The following VPS50 variants were observed in gnomAD, a reference collection of about 807,000 sequenced individuals.
VPS50 encodes the protein VPS50 subunit of EARP/GARPII complex.
VPS50 carries 70 observed loss-of-function variants against 139.7 expected under a neutral mutation model. That is an observed-to-expected ratio of 0.50 (90% CI 0.41 to 0.61). The LOEUF is 0.61. Among genes scored for constraint, VPS50 ranks in the 20% least tolerant of loss-of-function variants. VPS50 has a pLI of 0.00. For missense variants in VPS50, 921 were observed against 1,133.7 expected, an observed-to-expected ratio of 0.81 and a Z score of 2.69; for synonymous variants, 365 against 376.7, an observed-to-expected ratio of 0.97 and a Z score of 0.36.
chr7:93,338,391 G>A (rs904415899), intron 22 of VPS50, among the ~76,000 whole-genome samples: 2 of 152,166 alleles, frequency 1.3e-5, no homozygotes, highest in African/African-American at 4.8e-5. Context: ...GAGAGAGAAA[G>A]GGTGTAATTT....
Position 93,266,084 on chromosome 7 carries a change from A to C in VPS50, c.660-5136A>C, listed in dbSNP as rs375253492. 8.8e-4 allele frequency among the ~76,000 whole-genome samples: 134 copies of C among 152,368 alleles called. 3 individuals carry two copies. The South Asian group carries it at 0.019, about 21-fold the overall frequency. ...GCTGATAAATTCTCTGCTTCCTGTA[A>C]GTAGATTGAAAACCACTGGAATAGG... On this transcript the variant is annotated intron_variant, in intron 9 of 27. Coordinates refer to ENST00000305866, the MANE Select transcript of VPS50 (RefSeq NM_017667.4).
At chr7:93,327,407 A>C (rs1273012046) in intron 21 of VPS50, among the ~76,000 whole-genome samples, 1 of 152,220 alleles carries the variant, frequency 6.6e-6, no homozygotes, top group Admixed American at 6.5e-5. Flanking sequence ...TTTGGGAACC[A>C]AATGGTTTTG....
intron 3 of VPS50, 92 bp downstream of exon 3, chr7:93,252,867 AT>A: frequency 3.1e-6 from 3 of 978,434 alleles, no homozygotes; most frequent in Non-Finnish European, 4.5e-6. Context: ...GCATTTATGT[AT>A]TTTTGGTACC....
chr7:93,233,525 G>A (rs1794703018), intron 1 of VPS50, among the ~76,000 whole-genome samples: 1 of 152,128 alleles, frequency 6.6e-6, no homozygotes, highest in Admixed American at 6.6e-5. Flanking sequence ...TACAAATTGT[G>A]TATTTCTCTT....
chr7:93,342,379 A>T (rs1032161078), intron 23 of VPS50, among the ~76,000 whole-genome samples: 8 of 152,308 alleles, frequency 5.3e-5, no homozygotes, highest in Admixed American at 2.6e-4. Context: ...ATCAAACTGC[A>T]AGGCGGCAGT....
chr7:93,289,310 ATCTC>A (rs958583647), intron 12 of VPS50, among the ~76,000 whole-genome samples: 10 of 152,032 alleles, frequency 6.6e-5, no homozygotes, highest in Middle Eastern at 3.4e-3. Flanking sequence ...CCATTTTTGT[ATCTC>A]TGTTTATGAA....
chr7:93,355,180 T>C (rs1336596883), intron 26 of VPS50, among the ~76,000 whole-genome samples: 4 of 152,022 alleles, frequency 2.6e-5, no homozygotes, highest in African/African-American at 9.7e-5. Context: ...TCTTGCAACT[T>C]TCCTTAAGGT....
intron 1 of VPS50, among the ~76,000 whole-genome samples, chr7:93,232,993 T>C (rs1043672530): frequency 6.6e-6 from 1 of 152,234 alleles, no homozygotes; most frequent in Non-Finnish European, 1.5e-5. Flanking sequence ...TGAAAATAAT[T>C]ATTTTTGTTC....
rs952941199 is a variant in VPS50 at position 93,269,192 on chromosome 7, G to A, written c.660-2028G>A. Among the ~76,000 whole-genome samples, 4 of 152,106 alleles carry A rather than the reference G, an allele frequency of 2.6e-5. No homozygotes were observed. The East Asian group carries it at 7.7e-4, about 29-fold the overall frequency. ...AAGATACTGCCATAGCTATCCTTTT[G>A]GGGGAATTATTTTGGGGACAATAGT... On this transcript the variant is annotated intron_variant, in intron 9 of 27. Transcript: ENST00000305866.
intron 22 of VPS50, among the ~76,000 whole-genome samples, chr7:93,335,433 A>C (rs1176093594): frequency 6.6e-6 from 1 of 152,198 alleles, no homozygotes; most frequent in African/African-American, 2.4e-5. Flanking sequence ...GTAAATGTTC[A>C]TAGAGTAGGT....
chr7:93,287,033 C>T (rs1796510253), intron 12 of VPS50, among the ~76,000 whole-genome samples: 1 of 147,454 alleles, frequency 6.8e-6, no homozygotes, highest in South Asian at 2.1e-4. Flanking sequence ...CCCCACCTTG[C>T]CTTTTTTCCT....
chr7:93,300,888 A>G (rs905388336), intron 16 of VPS50, among the ~76,000 whole-genome samples: 1 of 152,138 alleles, frequency 6.6e-6, no homozygotes, highest in Non-Finnish European at 1.5e-5. Flanking sequence ...ATTTTTAGAT[A>G]TCACACAGCA....
chr7:93,338,366 T>C (rs1798121110), intron 22 of VPS50, among the ~76,000 whole-genome samples: 1 of 152,100 alleles, frequency 6.6e-6, no homozygotes, highest in Non-Finnish European at 1.5e-5. Context: ...ATGAAGAAAT[T>C]AGGTGAGAAG....
At chr7:93,237,599 A>C (rs199724215) in intron 1 of VPS50, among the ~76,000 whole-genome samples, 1 of 152,196 alleles carries the variant, frequency 6.6e-6, no homozygotes, top group Non-Finnish European at 1.5e-5. Flanking sequence ...TAAATATGAT[A>C]TATTTCTTCA....
Position 93,312,554 on chromosome 7 carries a change from T to A in VPS50, c.1855+1282T>A, listed in dbSNP as rs1743244542. Among the ~76,000 whole-genome samples the A allele has an allele frequency of 3.9e-5, 6 of 152,344 alleles. No homozygotes were observed. In the South Asian group the frequency reaches 1.0e-3, roughly 26 times the overall value. On this transcript the variant is annotated intron_variant, in intron 20 of 27. Coordinates refer to ENST00000305866, the MANE Select transcript of VPS50 (RefSeq NM_017667.4). ...ACCAAAACCTGTCTCTCTGTGATTC[T>A]AGCCTTTGGTTTGTCCTTTTGGTCT...
intron 11 of VPS50, among the ~76,000 whole-genome samples, chr7:93,274,182 A>C (rs1796088082): frequency 1.3e-5 from 2 of 152,132 alleles, no homozygotes; most frequent in Non-Finnish European, 2.9e-5. Context: ...AAAAGCTAGA[A>C]ATGATTAAGC....
At chr7:93,343,458 G>A (rs1458206810) in intron 23 of VPS50, among the ~76,000 whole-genome samples, 2 of 151,798 alleles carry the variant, frequency 1.3e-5, no homozygotes, top group East Asian at 1.9e-4. Context: ...GCAGGCCAAC[G>A]TTCAGATTCA....
chr7:93,269,515 G>C (rs577427920), intron 9 of VPS50, among the ~76,000 whole-genome samples: 2 of 152,088 alleles, frequency 1.3e-5, no homozygotes, highest in Non-Finnish European at 2.9e-5. Context: ...TGCAGAAAAT[G>C]ATCTAATTCC....
At chr7:93,261,877 C>T (rs959755674) in intron 9 of VPS50, among the ~76,000 whole-genome samples, 27 of 152,060 alleles carry the variant, frequency 1.8e-4, no homozygotes, top group African/African-American at 3.9e-4. Context: ...ATCTTTGTTG[C>T]GGAGTTACCA....
Sources: gnomAD v4.1 joint callset for allele counts (sites outside exome capture counted in the v4.1 genomes callset) on GRCh38, gnomAD v4.1.1 for gene constraint, MANE v1.5 for transcripts, NCBI Gene and HGNC (gene_info 2026-07-23, HGNC 2026-07-21) for gene names.